Variants in TEX29 observed in about 807,000 individuals in gnomAD.
TEX29 encodes the protein testis expressed 29.
In TEX29, 26 loss-of-function variants were observed where a neutral mutation model predicts 18.2. The ratio of observed to expected loss-of-function variants is 1.43; its 90% CI spans 1.04 to 1.98. The LOEUF is 1.98. TEX29 is among the 30% of genes most tolerant of loss of function. The pLI, the probability that TEX29 is intolerant of heterozygous loss-of-function variation, is 0.00. For missense variants in TEX29, 177 were observed against 194.2 expected (o/e 0.91, Z 0.53); for synonymous variants, 83 against 78.5 (o/e 1.06, Z -0.31).
At chr13:111,322,304 G>A (rs1385539012) in intron 2 of TEX29, among the ~76,000 whole-genome samples, 3 of 152,206 alleles carry the variant, frequency 2.0e-5, no homozygotes, top group Admixed American at 6.5e-5. Flanking sequence ...CCGAGGGAAC[G>A]GGCCGCTCTT....
At chr13:111,333,677 T>C (rs2093685655) in intron 3 of TEX29, among the ~76,000 whole-genome samples, 1 of 152,256 alleles carries the variant, frequency 6.6e-6, no homozygotes. Context: ...AGAGGTTTAA[T>C]TGACTCACAG....
Position 111,332,460 on chromosome 13 carries a change from A to G in TEX29, c.169+4167A>G, listed in dbSNP as rs1288374027. ...TGATTCCTTAGGATTTTTTGCATACAAGATCATGGCATCTGAAAATATAGT... is the reference window on the plus strand; with the variant it reads ...TGATTCCTTAGGATTTTTTGCATACGAGATCATGGCATCTGAAAATATAGT... On this transcript the variant is annotated intron_variant, in intron 3 of 5. Coordinates refer to ENST00000283547, the MANE Select transcript of TEX29 (RefSeq NM_152324.3). Among the ~76,000 whole-genome samples, 5 of 152,136 alleles carry G rather than the reference A, an allele frequency of 3.3e-5. No individual in the cohort carries two copies. The East Asian group carries it at 5.8e-4, about 18-fold the overall frequency.
chr13:111,327,162 C>A (rs537111195), intron 2 of TEX29, among the ~76,000 whole-genome samples: 6 of 152,254 alleles, frequency 3.9e-5, no homozygotes, highest in Non-Finnish European at 7.3e-5. Context: ...CTTCAGCCTG[C>A]CCTGTGCACT....
intron 2 of TEX29, among the ~76,000 whole-genome samples, chr13:111,322,389 G>T (rs887194082): frequency 6.6e-6 from 1 of 152,218 alleles, no homozygotes; most frequent in South Asian, 2.1e-4. Flanking sequence ...GGGAGAAAGC[G>T]CTCCCTCTTC....
upstream of TEX29, among the ~76,000 whole-genome samples, chr13:111,318,991 C>G (rs574196436): frequency 6.6e-6 from 1 of 152,334 alleles, no homozygotes; most frequent in East Asian, 1.9e-4. Flanking sequence ...TATCCGGCGC[C>G]TTCTCACTGG....
upstream of TEX29, among the ~76,000 whole-genome samples, chr13:111,320,266 G>A (rs1327778260): frequency 6.6e-6 from 1 of 152,212 alleles, no homozygotes; most frequent in Non-Finnish European, 1.5e-5. Context: ...CCTCTCCCCA[G>A]GAGGGAAGGG....
At chr13:111,334,847 G>A (rs946670403) in intron 3 of TEX29, among the ~76,000 whole-genome samples, 14 of 152,202 alleles carry the variant, frequency 9.2e-5, no homozygotes, top group Non-Finnish European at 5.9e-5. Flanking sequence ...CCGACGATGG[G>A]GCTTTGAAGG....
intron 2 of TEX29, among the ~76,000 whole-genome samples, chr13:111,323,102 C>T (rs983085285): frequency 3.3e-5 from 5 of 152,248 alleles, no homozygotes; most frequent in African/African-American, 9.6e-5. Flanking sequence ...ACCCACTCTG[C>T]AGCCTCTTCC....
chr13:111,327,636 T>C (rs1595687118), intron 2 of TEX29, among the ~76,000 whole-genome samples: 1 of 152,070 alleles, frequency 6.6e-6, no homozygotes, highest in Non-Finnish European at 1.5e-5. Flanking sequence ...CTGGAAAGGG[T>C]CGTCTGCCAG....
intron 2 of TEX29, among the ~76,000 whole-genome samples, chr13:111,323,506 C>T (rs1383810130): frequency 6.6e-6 from 1 of 152,264 alleles, no homozygotes; most frequent in African/African-American, 2.4e-5. Flanking sequence ...CTGTGACACA[C>T]TTTCCACACC....
At chr13:111,325,408 C>T (rs1359761991) in intron 2 of TEX29, among the ~76,000 whole-genome samples, 9 of 151,882 alleles carry the variant, frequency 5.9e-5, no homozygotes, top group East Asian at 5.8e-4. Flanking sequence ...GAGTCCAGTA[C>T]CTGTGCAGTG....
Position 111,324,547 on chromosome 13 carries a change from C to T in TEX29, c.58+3599C>T, listed in dbSNP as rs147048628. ...ATGGGGAGTCACACTGAGGACCCGGCGCTGCCCTGAGAGAGTCTCTGGGCT... is the reference window on the plus strand; with the variant it reads ...ATGGGGAGTCACACTGAGGACCCGGTGCTGCCCTGAGAGAGTCTCTGGGCT... On this transcript the variant is annotated intron_variant, in intron 2 of 5. Transcript: ENST00000283547. Among the ~76,000 whole-genome samples the T allele has an allele frequency of 2.2e-3, 332 of 152,318 alleles. 2 individuals are homozygous for T. The highest frequency in any genetic ancestry group is 7.2e-3 in the African/African-American group (299 of 41,550).
intron 3 of TEX29, among the ~76,000 whole-genome samples, chr13:111,333,486 A>T (rs1567162422): frequency 6.6e-6 from 1 of 152,170 alleles, no homozygotes; most frequent in African/African-American, 2.4e-5. Flanking sequence ...TGCCTGCTCA[A>T]ATCTGCTGTT....
chr13:111,340,022 G>T, intron 4 of TEX29, 90 bp downstream of exon 4: 1 of 1,244,756 alleles, frequency 8.0e-7, no homozygotes, highest in Admixed American at 1.7e-5. Context: ...GCTCCTTCGG[G>T]CTTGGTGCTG....
rs754294688 is a variant in TEX29 at position 111,339,970 on chromosome 13, A to AGG, written c.239+41_239+42dup. 12 of 1,311,880 alleles carry AGG rather than the reference A, an allele frequency of 9.1e-6. No homozygotes were observed. The Admixed American group carries it at 1.1e-4, about 12-fold the overall frequency. 81.3% of individuals were successfully genotyped at this position (1,311,880 alleles called of 1,614,324 possible). A position where few individuals can be genotyped will look rare whatever the true frequency, so the allele number is the denominator to read the frequency against. On this transcript the variant is annotated intron_variant, in intron 4 of 5. Coordinates refer to ENST00000283547, the MANE Select transcript of TEX29 (RefSeq NM_152324.3). ...GTTCTTTACTGGGAGGGTGGGGAGG[A>AGG]GGGGACTCACCTCTCCTGGCCGCAG...
In TEX29 at chr13:111,342,749, C is replaced by T. The variant is rs774951627; in HGVS notation, c.240-7C>T. ...CCCTGACTGTGATAAAACCCTCTTCCCATCAGAGTCATTCAGGAGAGCAGG... is the reference window on the plus strand; with the variant it reads ...CCCTGACTGTGATAAAACCCTCTTCTCATCAGAGTCATTCAGGAGAGCAGG... On this transcript the variant is annotated splice_region_variant and splice_polypyrimidine_tract_variant and intron_variant, in intron 4 of 5. Coordinates refer to ENST00000283547, the MANE Select transcript of TEX29 (RefSeq NM_152324.3). 2 of 1,612,578 alleles carry T rather than the reference C, an allele frequency of 1.2e-6. No individual in the cohort carries two copies. Among genetic ancestry groups the T allele is most frequent in the East Asian group, 4.5e-5 (2 of 44,850 alleles).
chr13:111,332,388 G>C (rs895807387), intron 3 of TEX29, among the ~76,000 whole-genome samples: 1 of 151,878 alleles, frequency 6.6e-6, no homozygotes, highest in Admixed American at 6.6e-5. Flanking sequence ...TGCTGATCTT[G>C]TATCTGGCAA....
intron 4 of TEX29, among the ~76,000 whole-genome samples, chr13:111,341,848 T>C (rs2093696968): frequency 6.6e-6 from 1 of 152,282 alleles, no homozygotes. Flanking sequence ...ACTGACGATG[T>C]AAGTGAACTT....
At chr13:111,317,301 G>A (rs150727441), upstream of TEX29, among the ~76,000 whole-genome samples, 4 of 152,192 alleles carry the variant, frequency 2.6e-5, no homozygotes, top group Admixed American at 2.0e-4. Flanking sequence ...TGTGAAGTTG[G>A]TGGCCTGCTG....
Sources: gnomAD v4.1 joint callset for allele counts (sites outside exome capture counted in the v4.1 genomes callset) on GRCh38, gnomAD v4.1.1 for gene constraint, MANE v1.5 for transcripts, NCBI Gene and HGNC (gene_info 2026-07-23, HGNC 2026-07-21) for gene names.